PSD3: variants seen among roughly 807,000 people sequenced by gnomAD.
PSD3 encodes pleckstrin and Sec7 domain containing 3.
A neutral mutation model predicts 105.5 loss-of-function variants in PSD3; 49 were observed. That is an observed-to-expected ratio of 0.46 (90% confidence interval 0.37 to 0.59). The LOEUF is 0.59. Among genes scored for constraint, PSD3 ranks in the 20% least tolerant of loss-of-function variants. PSD3 has a pLI of 0.00. For missense variants in PSD3, 1,561 were observed against 1,263.8 expected (o/e 1.24, Z -3.57); for synonymous variants, 557 against 457.8 (o/e 1.22, Z -2.77).
chr8:19,069,145 C>T (rs1480864396), intron 1 of PSD3, among the ~76,000 whole-genome samples: 2 of 152,156 alleles, frequency 1.3e-5, no homozygotes, highest in Admixed American at 6.5e-5. Flanking sequence ...CTTTCAGCAG[C>T]GTGAATGCAA....
At chr8:19,073,615 G>C (rs1185626830) in intron 1 of PSD3, among the ~76,000 whole-genome samples, 4 of 145,208 alleles carry the variant, frequency 2.8e-5, no homozygotes, top group South Asian at 4.4e-4. Context: ...TAATTGTCTT[G>C]TCTGAGAGGG....
In PSD3 at chr8:18,620,240, C is replaced by G. The variant is rs547749317; in HGVS notation, c.2410+12373G>C. On this transcript the variant is annotated intron_variant, in intron 11 of 15. Transcript: ENST00000327040. ...TGAACCAATGGATACCTTTCATGTACTGATTTATGTCTTTGCCTGTAACTC... is the reference window on the plus strand; with the variant it reads ...TGAACCAATGGATACCTTTCATGTAGTGATTTATGTCTTTGCCTGTAACTC... Among the ~76,000 whole-genome samples, 30 of 152,140 alleles carry G rather than the reference C, an allele frequency of 2.0e-4. 1 individual carries two copies. The highest frequency in any genetic ancestry group is 2.0e-4 in the Admixed American group (3 of 15,286).
At chr8:18,935,990 C>G in intron 2 of PSD3, 44 bp downstream of exon 2, 1 of 1,288,682 alleles carries the variant, frequency 7.8e-7, no homozygotes, top group Non-Finnish European at 1.1e-6. Flanking sequence ...AATCACAGCT[C>G]TTCATATAGT....
intron 2 of PSD3, among the ~76,000 whole-genome samples, chr8:18,907,007 G>A (rs941327660): frequency 6.6e-6 from 1 of 152,004 alleles, no homozygotes; most frequent in Non-Finnish European, 1.5e-5. Context: ...TATAGAATAA[G>A]AAAATAAGGA....
intron 1 of PSD3, among the ~76,000 whole-genome samples, chr8:18,947,020 C>A: frequency 6.6e-6 from 1 of 151,914 alleles, no homozygotes. Flanking sequence ...GGGGAAGATG[C>A]TCGTGCTTGG....
chr8:18,858,969 C>G (rs1193965398), intron 4 of PSD3, among the ~76,000 whole-genome samples: 1 of 152,152 alleles, frequency 6.6e-6, no homozygotes, highest in Non-Finnish European at 1.5e-5. Context: ...AATGGTGAAT[C>G]CTTTCCAGAA....
chr8:18,539,081 C>T (rs1563301360), intron 15 of PSD3, among the ~76,000 whole-genome samples: 1 of 152,178 alleles, frequency 6.6e-6, no homozygotes, highest in Non-Finnish European at 1.5e-5. Flanking sequence ...GTCTCTGAGT[C>T]TAGATTTTAC....
chr8:18,930,699 A>G (rs577849060), intron 2 of PSD3, among the ~76,000 whole-genome samples: 18 of 151,700 alleles, frequency 1.2e-4, no homozygotes, highest in East Asian at 9.8e-4. Flanking sequence ...CTTCCTGAGT[A>G]GCTGCGATGA....
chr8:18,620,893 A>G (rs919179837), intron 11 of PSD3, among the ~76,000 whole-genome samples: 6 of 152,276 alleles, frequency 3.9e-5, no homozygotes, highest in Non-Finnish European at 7.3e-5. Context: ...TTAAATTACC[A>G]CAACAGGGAT....
intron 2 of PSD3, among the ~76,000 whole-genome samples, chr8:18,876,484 TCAA>T (rs1817741750): frequency 6.6e-6 from 1 of 152,172 alleles, no homozygotes; most frequent in African/African-American, 2.4e-5. Flanking sequence ...CCTCCTGGGC[TCAA>T]GCCATTCTCC....
chr8:18,912,086 C>T (rs1011172131), intron 2 of PSD3, among the ~76,000 whole-genome samples: 3 of 152,190 alleles, frequency 2.0e-5, no homozygotes, highest in African/African-American at 7.2e-5. Context: ...GACCAGGTTT[C>T]ATATATTCTT....
chr8:19,050,127 C>T (rs1828469011), intron 1 of PSD3, among the ~76,000 whole-genome samples: 1 of 152,168 alleles, frequency 6.6e-6, no homozygotes. Context: ...GAGGCCATGT[C>T]AGCTCTGCTA....
At chr8:19,051,479 G>C (rs550937384) in intron 1 of PSD3, among the ~76,000 whole-genome samples, 1 of 152,256 alleles carries the variant, frequency 6.6e-6, no homozygotes, top group Admixed American at 6.5e-5. Context: ...CATAGTGCTG[G>C]CACATACTAG....
chr8:18,783,439 T>C lies in PSD3; in HGVS notation c.2082+15856A>G, dbSNP rs184180147. ...TTTCATTGCTTTTTCTCTATTACTC[T>C]TCTATTCTCTGTTTAATTCATCTTT... is the stretch of plus-strand genomic sequence containing the variant. On this transcript the variant is annotated intron_variant, in intron 8 of 15. Transcript: ENST00000327040. 6.4e-3 allele frequency among the ~76,000 whole-genome samples: 954 copies of C among 150,214 alleles called. 12 individuals carry two copies. Among genetic ancestry groups the C allele is most frequent in the African/African-American group, 0.022 (889 of 39,536 alleles).
intron 6 of PSD3, 160 bp downstream of exon 6, chr8:18,804,362 C>T (rs1251687509): frequency 1.6e-6 from 1 of 615,478 alleles, no homozygotes; most frequent in African/African-American, 1.9e-5. Flanking sequence ...ATCCAAAATC[C>T]ACAACACTTA....
chr8:18,995,571 A>T (rs1017218423), intron 1 of PSD3, among the ~76,000 whole-genome samples: 41 of 151,960 alleles, frequency 2.7e-4, no homozygotes, highest in African/African-American at 9.9e-4. Flanking sequence ...ACTCAAAATG[A>T]GGTGCACCAG....
intron 4 of PSD3, among the ~76,000 whole-genome samples, chr8:18,848,943 C>T (rs1215845444): frequency 6.6e-6 from 1 of 152,170 alleles, no homozygotes; most frequent in Non-Finnish European, 1.5e-5. Context: ...TCCACAAAGT[C>T]AATCAATGAT....
At chr8:18,750,402 T>C (rs1563222479) in intron 9 of PSD3, among the ~76,000 whole-genome samples, 1 of 152,024 alleles carries the variant, frequency 6.6e-6, no homozygotes, top group African/African-American at 2.4e-5. Context: ...AGGTAGCGCG[T>C]CTGGAGTTGT....
intron 1 of PSD3, among the ~76,000 whole-genome samples, chr8:19,062,795 T>C (rs540809116): frequency 6.6e-6 from 1 of 152,332 alleles, no homozygotes; most frequent in South Asian, 2.1e-4. Flanking sequence ...TAGCATGCAT[T>C]TCATGTAAGA....
Sources: gnomAD v4.1 joint callset for allele counts (sites outside exome capture counted in the v4.1 genomes callset) on GRCh38, gnomAD v4.1.1 for gene constraint, MANE v1.5 for transcripts, NCBI Gene and HGNC (gene_info 2026-07-23, HGNC 2026-07-21) for gene names.